Variants in HOMER2 observed in about 807,000 individuals in gnomAD.
HOMER2 encodes the protein homer scaffold protein 2, also known as homer protein homolog 2.
A neutral mutation model predicts 47.0 loss-of-function variants in HOMER2; 27 were observed. The observed-to-expected ratio is 0.57, with a 90% CI of 0.42 to 0.79. The LOEUF is 0.79. Ranked by LOEUF, HOMER2 falls within the 30% of genes least tolerant of loss-of-function variation. The pLI, the probability that HOMER2 is intolerant of heterozygous loss-of-function variation, is 0.00. For missense variants in HOMER2, 443 were observed against 435.0 expected, an observed-to-expected ratio of 1.02 and a Z score of -0.16; for synonymous variants, 161 against 163.8, an observed-to-expected ratio of 0.98 and a Z score of 0.13.
chr15:82,918,772 G>A (rs955648118), intron 1 of HOMER2, among the ~76,000 whole-genome samples: 3 of 152,108 alleles, frequency 2.0e-5, no homozygotes, highest in East Asian at 1.9e-4. Context: ...CATCTCCCTC[G>A]CTGTCCTCTC....
rs10602958 is a variant in HOMER2 at position 82,941,442 on chromosome 15, CAAAAAAAAAA to C, written c.5+11079_5+11088del. On this transcript the variant is annotated intron_variant, in intron 1 of 8. Transcript: ENST00000450735. ...TGGGCGACAGAGTGAGAGTCTGTCTCAAAAAAAAAAAAAAAAAAAAAAAAATCCTAAAACA... is the reference window on the plus strand; with the variant it reads ...TGGGCGACAGAGTGAGAGTCTGTCTCAAAAAAAAAAAAAAATCCTAAAACA... Among the ~76,000 whole-genome samples the C allele has an allele frequency of 4.0e-5, 3 of 74,470 alleles. No individual in the cohort carries two copies. In the East Asian group the frequency reaches 1.7e-3, roughly 41 times the overall value. The allele number at this position is 74,470 out of a possible 152,430, so 48.9% of individuals were successfully genotyped here.
intron 6 of HOMER2, among the ~76,000 whole-genome samples, chr15:82,853,266 C>T (rs927241242): frequency 1.4e-5 from 1 of 73,214 alleles, no homozygotes; most frequent in African/African-American, 4.5e-5. Flanking sequence ...CCACTCCCCC[C>T]GCACTGCTGC....
chr15:82,978,677 C>T (rs2151262493), intron 1 of HOMER2, among the ~76,000 whole-genome samples: 1 of 152,158 alleles, frequency 6.6e-6, no homozygotes. Flanking sequence ...GGGTAGTTTC[C>T]CCCATGCTAT....
At chr15:82,860,929 TCTG>T (rs1217371633) in intron 4 of HOMER2, among the ~76,000 whole-genome samples, 130 of 88,136 alleles carry the variant, frequency 1.5e-3, no homozygotes, top group African/African-American at 4.8e-3. Context: ...ACAGTGAGAC[TCTG>T]TCTCAAAGAT....
intron 1 of HOMER2, among the ~76,000 whole-genome samples, chr15:82,903,823 C>A (rs2053205697): frequency 6.6e-6 from 1 of 152,102 alleles, no homozygotes; most frequent in Non-Finnish European, 1.5e-5. Flanking sequence ...GGTGAAACCC[C>A]ATCTCTACTA....
intron 2 of HOMER2, among the ~76,000 whole-genome samples, chr15:82,881,132 G>A (rs542584848): frequency 6.6e-6 from 1 of 152,332 alleles, no homozygotes; most frequent in Non-Finnish European, 1.5e-5. Flanking sequence ...CCTTCTTCTT[G>A]CGTGAGTCAT....
intron 1 of HOMER2, among the ~76,000 whole-genome samples, chr15:82,945,693 G>A (rs1386366362): frequency 2.6e-5 from 4 of 152,048 alleles, no homozygotes; most frequent in Admixed American, 1.3e-4. Flanking sequence ...GTAGATGGCC[G>A]GGCGCGGTGG....
intron 1 of HOMER2, among the ~76,000 whole-genome samples, chr15:82,976,372 A>T (rs914774838): frequency 1.3e-5 from 2 of 151,972 alleles, no homozygotes; most frequent in Admixed American, 1.3e-4. Context: ...ATCTCAGCTC[A>T]TTGCAACCTC....
chr15:82,875,943 G>A (rs113297135), intron 2 of HOMER2, among the ~76,000 whole-genome samples: 11 of 152,322 alleles, frequency 7.2e-5, no homozygotes, highest in Admixed American at 3.9e-4. Flanking sequence ...CTAATTATAC[G>A]GGTGTGAGTG....
chr15:82,954,605 T>A (rs1457660702), upstream of HOMER2, among the ~76,000 whole-genome samples: 4 of 152,000 alleles, frequency 2.6e-5, no homozygotes, highest in East Asian at 7.8e-4. Context: ...TTCATTTTTT[T>A]AAACTACAAT....
chr15:82,896,604 A>T (rs541502193), intron 1 of HOMER2, among the ~76,000 whole-genome samples: 1 of 152,144 alleles, frequency 6.6e-6, no homozygotes, highest in African/African-American at 2.4e-5. Flanking sequence ...GAGACCTGGG[A>T]GGGGTACTGC....
At position 82,854,657 on chromosome 15, in the gene HOMER2, C is replaced by T. The variant is rs199601429; in HGVS notation, c.638G>A (p.Arg213Gln). 2.5e-4 allele frequency: 398 copies of T among 1,612,446 alleles called. No homozygotes were observed. The African/African-American group carries it at 4.2e-3, about 17-fold the overall frequency. ...CACCGTACCCACCTTGTTGCGGAGC[C>T]GGTCATTCTCATCACGGCAGATGGA... Reference protein sequence around the residue: ...QFSICRDENDRLRNKIDELEE... With the variant: ...QFSICRDENDQLRNKIDELEE... The change falls in exon 6 of 9, where the codon CGG becomes CAG. Residue 213 changes from arginine to glutamine, a missense_variant. Transcript: ENST00000450735.
chr15:82,880,503 AT>A (rs1487983246), intron 2 of HOMER2, among the ~76,000 whole-genome samples: 1 of 152,222 alleles, frequency 6.6e-6, no homozygotes, highest in East Asian at 1.9e-4. Context: ...GTGGGTACAT[AT>A]GGGTTTGCTT....
At chr15:82,954,949 T>C (rs921224131), upstream of HOMER2, among the ~76,000 whole-genome samples, 3 of 151,718 alleles carry the variant, frequency 2.0e-5, no homozygotes, top group Admixed American at 2.0e-4. Context: ...AGCTAATTTT[T>C]GTATTTTTAG....
intron 2 of HOMER2, among the ~76,000 whole-genome samples, chr15:82,880,226 A>G (rs8029423): frequency 0.012 from 1,823 of 152,350 alleles, 36 homozygotes; most frequent in African/African-American, 0.042. Flanking sequence ...GCTACAAAAG[A>G]GTCAAATATC....
intron 1 of HOMER2, among the ~76,000 whole-genome samples, chr15:82,948,424 G>A (rs537979813): frequency 6.6e-6 from 1 of 150,686 alleles, no homozygotes; most frequent in South Asian, 2.1e-4. Flanking sequence ...TTAGCTGGGT[G>A]TGATGGCACA....
At chr15:82,952,801 C>T (rs2054539339), upstream of HOMER2, 2 of 761,454 alleles carry the variant, frequency 2.6e-6, no homozygotes, top group Admixed American at 6.5e-5. Flanking sequence ...CGGCTCCTTA[C>T]GTAACCTCGT....
In HOMER2 at chr15:82,907,974, G is replaced by C. The variant is rs543219635; in HGVS notation, c.6-15133C>G. ...AACAAGGATGAACCTTGAAAACATTGTGCTCAGTGAAAGAAGGCAGTCACA... is the reference window on the plus strand; with the variant it reads ...AACAAGGATGAACCTTGAAAACATTCTGCTCAGTGAAAGAAGGCAGTCACA... On this transcript the variant is annotated intron_variant, in intron 1 of 8. Transcript: ENST00000450735. 1.2e-4 allele frequency among the ~76,000 whole-genome samples: 19 copies of C among 152,238 alleles called. No individual in the cohort carries two copies. In the East Asian group the frequency reaches 3.5e-3, roughly 28 times the overall value.
chr15:82,848,655 T>A (rs1181229067), downstream of HOMER2, among the ~76,000 whole-genome samples: 1 of 152,184 alleles, frequency 6.6e-6, no homozygotes, highest in East Asian at 1.9e-4. Flanking sequence ...TCCAGACCCA[T>A]AAGACAATCC....
Sources: allele counts gnomAD v4.1 joint callset (sites outside exome capture counted in the v4.1 genomes callset), GRCh38; gene constraint gnomAD v4.1.1; transcripts MANE v1.5; gene names NCBI Gene and HGNC (gene_info 2026-07-23, HGNC 2026-07-21).